Variants in TMPRSS13 observed in about 807,000 individuals in gnomAD.
TMPRSS13 encodes transmembrane protease serine 13.
TMPRSS13 carries 50 observed loss-of-function variants against 68.4 expected under a neutral mutation model. That is an observed-to-expected ratio of 0.73 (90% CI 0.58 to 0.93). The LOEUF (loss-of-function observed/expected upper bound fraction) is 0.93. Among genes scored for constraint, TMPRSS13 ranks in the 40% least tolerant of loss-of-function variants. TMPRSS13 has a pLI of 0.00. For synonymous variants in TMPRSS13, 267 were observed against 285.8 expected (o/e 0.93, Z 0.66); for missense variants, 615 against 729.2 (o/e 0.84, Z 1.80).
intron 6 of TMPRSS13, among the ~76,000 whole-genome samples, chr11:117,911,386 C>T (rs564101097): frequency 6.6e-6 from 1 of 152,258 alleles, no homozygotes; most frequent in Non-Finnish European, 1.5e-5. Context: ...AGAGGAGCGG[C>T]ATGTGCAAAG....
intron 9 of TMPRSS13, among the ~76,000 whole-genome samples, chr11:117,907,253 C>T (rs981680129): frequency 3.3e-5 from 5 of 152,070 alleles, no homozygotes; most frequent in African/African-American, 4.8e-5. Context: ...AGGTAGCGGG[C>T]ATCCCTCACC....
At chr11:117,906,717 A>G (rs2057467985) in intron 9 of TMPRSS13, among the ~76,000 whole-genome samples, 1 of 148,592 alleles carries the variant, frequency 6.7e-6, no homozygotes, top group Non-Finnish European at 1.5e-5. Flanking sequence ...AATGCAGCAT[A>G]GGATTTTTTT....
chr11:117,913,730 C>G, intron 5 of TMPRSS13, 47 bp downstream of exon 5: 1 of 1,605,266 alleles, frequency 6.2e-7, no homozygotes, highest in Non-Finnish European at 8.5e-7. Flanking sequence ...TATGAAGAGC[C>G]TGAGACATCC....
At chr11:117,927,387 G>A (rs1243307594) in intron 1 of TMPRSS13, among the ~76,000 whole-genome samples, 1 of 152,236 alleles carries the variant, frequency 6.6e-6, no homozygotes, top group Non-Finnish European at 1.5e-5. Context: ...CTAAGGTACA[G>A]AAAGGTGAAG....
Position 117,902,127 on chromosome 11 carries a change from G to T in TMPRSS13, c.*112C>A. The T allele has an allele frequency of 8.7e-7, 1 of 1,147,482 alleles. No individual in the cohort carries two copies. Among genetic ancestry groups the T allele is most frequent in the Non-Finnish European group, 1.3e-6 (1 of 781,954 alleles). The allele number at this position is 1,147,482 out of a possible 1,614,324, so 71.1% of individuals were successfully genotyped here. A position where few individuals can be genotyped will look rare whatever the true frequency, so the allele number is the denominator to read the frequency against. On this transcript the variant is annotated 3_prime_UTR_variant, in exon 13 of 13. Transcript: ENST00000524993. ...ACAGAGGCAGCAGACAGTGGAGGTGGGAGTCCGATGGTGCCCGGTGGCCAT... is the reference window on the plus strand; with the variant it reads ...ACAGAGGCAGCAGACAGTGGAGGTGTGAGTCCGATGGTGCCCGGTGGCCAT...
intron 5 of TMPRSS13, among the ~76,000 whole-genome samples, chr11:117,913,365 T>C (rs1020432304): frequency 6.6e-6 from 1 of 152,214 alleles, no homozygotes; most frequent in African/African-American, 2.4e-5. Flanking sequence ...CAAGACACAG[T>C]AGCTATAGCT....
chr11:117,904,019 A>G lies in TMPRSS13; in HGVS notation c.1464T>C (p.Ser488=). ...KKCNDYLVYD[S]YLTPRMMCAG... is the part of the protein sequence containing the mutation. ...CACACATCATCCTTGGGGTAAGGTA[A>G]CTGTCATAGACCAAGTAGTCATTGC... Residue 488 remains serine (S), a synonymous_variant, in exon 11 of 13, where the codon AGT becomes AGC. Coordinates refer to ENST00000524993, the MANE Select transcript of TMPRSS13 (RefSeq NM_001077263.3). 3 of 1,613,778 alleles carry G rather than the reference A, an allele frequency of 1.9e-6. No individual in the cohort carries two copies. Among genetic ancestry groups the G allele is most frequent in the Non-Finnish European group, 2.5e-6 (3 of 1,179,870 alleles).
intron 12 of TMPRSS13, 126 bp from the exon 13 acceptor site, chr11:117,902,391 G>T: frequency 2.9e-6 from 3 of 1,018,366 alleles, no homozygotes; most frequent in Non-Finnish European, 4.6e-6. Context: ...TCTCCAAGGA[G>T]GGAGAGCAAA....
chr11:117,918,942 G>A, intron 1 of TMPRSS13, 104 bp from the exon 2 acceptor site: 1 of 1,495,520 alleles, frequency 6.7e-7, no homozygotes, highest in Non-Finnish European at 9.0e-7. Flanking sequence ...GCAGCAGCTA[G>A]GGGTTGAGCA....
At chr11:117,923,438 G>C (rs1162217168) in intron 1 of TMPRSS13, among the ~76,000 whole-genome samples, 4 of 148,108 alleles carry the variant, frequency 2.7e-5, no homozygotes, top group African/African-American at 1.0e-4. Flanking sequence ...GAGGGGGCCT[G>C]AGTGATGTGG....
At chr11:117,913,593 T>C (rs2057543744) in intron 5 of TMPRSS13, among the ~76,000 whole-genome samples, 184 bp downstream of exon 5, 1 of 150,490 alleles carries the variant, frequency 6.6e-6, no homozygotes, top group South Asian at 2.2e-4. Flanking sequence ...AACAATCTGC[T>C]CCAGACTCAT....
In TMPRSS13 at chr11:117,914,533, A is replaced by G. The variant is rs757764992; in HGVS notation, c.557-19T>C. The G allele has an allele frequency of 6.2e-7, 1 of 1,613,466 alleles. No homozygotes were observed. The highest frequency in any genetic ancestry group is 8.5e-7 in the Non-Finnish European group (1 of 1,179,932). Reference sequence around the variant, plus strand: ...AACTGGACTAGAGAAAAAGAAGCAGACAGCTGGGTCATGGCCAGCCCCACT... The same window carrying G: ...AACTGGACTAGAGAAAAAGAAGCAGGCAGCTGGGTCATGGCCAGCCCCACT... On this transcript the variant is annotated intron_variant, in intron 3 of 12. Transcript: ENST00000524993. The surrounding 1 kb of genome is among the most constrained non-coding windows in gnomAD (Gnocchi z 4.2).
intron 9 of TMPRSS13, among the ~76,000 whole-genome samples, chr11:117,906,514 C>T (rs1293474897): frequency 2.6e-5 from 4 of 152,148 alleles, no homozygotes; most frequent in Non-Finnish European, 5.9e-5. Flanking sequence ...TAAGATAATG[C>T]CTGTCACATA....
chr11:117,914,580 C>T lies in TMPRSS13; in HGVS notation c.557-66G>A. The T allele has an allele frequency of 1.9e-6, 3 of 1,600,948 alleles. No individual in the cohort carries two copies. In the Admixed American group the frequency reaches 5.0e-5, roughly 27 times the overall value. On this transcript the variant is annotated intron_variant, in intron 3 of 12. Coordinates refer to ENST00000524993, the MANE Select transcript of TMPRSS13 (RefSeq NM_001077263.3). This position sits in a 1 kb window ranked among gnomAD's most constrained non-coding sequence, Gnocchi z 4.2. The stretch of plus-strand genomic sequence containing the variant: ...CACTGAGATGAGACACTGAGCAGCC[C>T]AAGGACCTGGGGGTTCTGAGACACC...
chr11:117,912,533 T>C (rs773725694), intron 5 of TMPRSS13, among the ~76,000 whole-genome samples: 1 of 152,242 alleles, frequency 6.6e-6, no homozygotes, highest in Admixed American at 6.5e-5. Context: ...GATTCTAATG[T>C]GTTCTACTCT....
chr11:117,913,168 G>C (rs905798764), intron 5 of TMPRSS13, among the ~76,000 whole-genome samples: 3 of 152,204 alleles, frequency 2.0e-5, no homozygotes, highest in East Asian at 1.9e-4. Context: ...GTCCAAGAGG[G>C]AGGATGGAGA....
intron 5 of TMPRSS13, among the ~76,000 whole-genome samples, chr11:117,913,335 C>G (rs979717523): frequency 6.6e-6 from 1 of 152,212 alleles, no homozygotes; most frequent in Non-Finnish European, 1.5e-5. Flanking sequence ...ATTTCATTCT[C>G]CATTTGATGA....
chr11:117,925,370 T>C (rs772269663), intron 1 of TMPRSS13, among the ~76,000 whole-genome samples: 2 of 152,210 alleles, frequency 1.3e-5, no homozygotes, highest in Non-Finnish European at 2.9e-5. Context: ...TAGACCAGAA[T>C]CAAGACGCCT....
At chr11:117,902,848 TA>T (rs2057421510) in intron 12 of TMPRSS13, among the ~76,000 whole-genome samples, 1 of 152,152 alleles carries the variant, frequency 6.6e-6, no homozygotes, top group Non-Finnish European at 1.5e-5. Flanking sequence ...TTTGATAGAT[TA>T]GTCAGAGTTC....
Sources: gnomAD v4.1 joint callset for allele counts (sites outside exome capture counted in the v4.1 genomes callset) on GRCh38, gnomAD v4.1.1 for gene constraint, Gnocchi (gnomAD v3.1) non-coding constraint, MANE v1.5 for transcripts, NCBI Gene and HGNC (gene_info 2026-07-23, HGNC 2026-07-21) for gene names.